GLOD5: variants seen among roughly 807,000 people sequenced by gnomAD.
The protein encoded by GLOD5 is glyoxalase domain containing 5, also known as glyoxalase domain-containing protein 5.
In GLOD5, 7 loss-of-function variants were observed where a neutral mutation model predicts 9.9. That is an observed-to-expected ratio of 0.71 (90% CI 0.40 to 1.33). The LOEUF is 1.33. Among genes scored for constraint, GLOD5 ranks in the 40% most tolerant of loss-of-function variants. GLOD5 has a pLI of 0.01. For synonymous variants in GLOD5, 49 were observed against 47.3 expected, an observed-to-expected ratio of 1.04 and a Z score of -0.14; for missense variants, 146 against 128.4, an observed-to-expected ratio of 1.14 and a Z score of -0.66.
Position 48,765,645 on chromosome X carries a change from A to G in GLOD5, c.64-190A>G, listed in dbSNP as rs781858319. 4 of 527,359 alleles carry G rather than the reference A, an allele frequency of 7.6e-6. No homozygotes were observed. The East Asian group carries it at 1.4e-4, about 19-fold the overall frequency. 43.5% of individuals were successfully genotyped at this position (527,359 alleles called of 1,213,427 possible). On this transcript the variant is annotated intron_variant, in intron 1 of 3. Coordinates refer to ENST00000303227, the MANE Select transcript of GLOD5 (RefSeq NM_001080489.3). ...ACAGTGGAAAGTGGTCATGGTAGAC[A>G]TGTGGGCTCTCATGAATCCACACAT...
chrX:48,764,578 G>A (rs1301334504), intron 1 of GLOD5, among the ~76,000 whole-genome samples: 1 of 96,270 alleles, frequency 1.0e-5, no homozygotes, highest in African/African-American at 3.9e-5. Flanking sequence ...TTTAGATACA[G>A]TCTTGCTCTG....
At chrX:48,771,679 G>T (rs924689562) in intron 3 of GLOD5, among the ~76,000 whole-genome samples, 2 of 111,570 alleles carry the variant, frequency 1.8e-5, no homozygotes, top group Admixed American at 1.9e-4. Context: ...TTATATCTTG[G>T]CATAAAGGAA....
chrX:48,766,118 T>C, intron 2 of GLOD5, 146 bp downstream of exon 2: 1 of 523,372 alleles, frequency 1.9e-6, no homozygotes, highest in Non-Finnish European at 3.2e-6. Context: ...AAACTGAATA[T>C]TTGGACTTCC....
chrX:48,763,216 G>A (rs1489438981), intron 1 of GLOD5, among the ~76,000 whole-genome samples: 2 of 112,172 alleles, frequency 1.8e-5, no homozygotes, highest in Non-Finnish European at 3.8e-5. Context: ...AGAAACTGGT[G>A]AAATAGAAAG....
intron 2 of GLOD5, among the ~76,000 whole-genome samples, chrX:48,766,624 G>A (rs782158876): frequency 1.7e-4 from 19 of 109,933 alleles, no homozygotes; most frequent in Middle Eastern, 4.6e-3. Flanking sequence ...GGTGGTGCAC[G>A]CCTGTAATCC....
chrX:48,773,334 G>C lies in GLOD5; in HGVS notation c.382G>C (p.Gly128Arg), dbSNP rs1443936119. 8.3e-6 allele frequency: 10 copies of C among 1,207,947 alleles called. No individual in the cohort carries two copies. The highest frequency in any genetic ancestry group is 3.5e-5 in the African/African-American group (2 of 56,831). The change falls in exon 4 of 4, where the codon GGG becomes CGG. Residue 128 changes from glycine to arginine, a missense_variant. Physicochemically the swap from Gly to Arg is moderately radical, Grantham distance 125. Transcript: ENST00000303227. Reference protein sequence around the residue: ...LKACDVPIEEGPVPRTGAKGP... With the variant: ...LKACDVPIEERPVPRTGAKGP... Reference sequence around the variant, plus strand: ...GGCTTGTGATGTCCCTATTGAGGAGGGGCCAGTCCCCAGAACAGGGGCAAA... The same window carrying C: ...GGCTTGTGATGTCCCTATTGAGGAGCGGCCAGTCCCCAGAACAGGGGCAAA...
chrX:48,770,477 A>G (rs1180684408), intron 2 of GLOD5, among the ~76,000 whole-genome samples: 3 of 111,157 alleles, frequency 2.7e-5, no homozygotes, highest in Middle Eastern at 4.6e-3. Flanking sequence ...TGAATGAGCA[A>G]TAAGGGCCAG....
intron 2 of GLOD5, among the ~76,000 whole-genome samples, chrX:48,768,513 G>C (rs2062614485): frequency 8.9e-6 from 1 of 111,975 alleles, no homozygotes; most frequent in Non-Finnish European, 1.9e-5. Context: ...GGACACAATG[G>C]AGTGAAATTT....
chrX:48,770,361 C>G lies in GLOD5; in HGVS notation c.202-566C>G, dbSNP rs147656134. 5.7e-3 allele frequency among the ~76,000 whole-genome samples: 644 copies of G among 112,387 alleles called. 3 individuals are homozygous for G. Among genetic ancestry groups the G allele is most frequent in the Admixed American group, 0.011 (117 of 10,545 alleles). On this transcript the variant is annotated intron_variant, in intron 2 of 3. Coordinates refer to ENST00000303227, the MANE Select transcript of GLOD5 (RefSeq NM_001080489.3). Reference sequence around the variant, plus strand: ...TGGAGGCATGTAGGAGAAAACTCAACTAACTGTGGGTTAAACAAGACAAGA... The same window carrying G: ...TGGAGGCATGTAGGAGAAAACTCAAGTAACTGTGGGTTAAACAAGACAAGA...
At chrX:48,762,876 C>T (rs1557016154) in intron 1 of GLOD5, among the ~76,000 whole-genome samples, 1 of 111,974 alleles carries the variant, frequency 8.9e-6, no homozygotes, top group African/African-American at 3.2e-5. Flanking sequence ...GCTACGCTGG[C>T]CTTCCTGTTA....
At position 48,763,770 on chromosome X, in the gene GLOD5, G is replaced by A. The variant is rs183503887; in HGVS notation, c.63+1917G>A. ...TATTTTCAATGGAGCCAAAATGTCG[G>A]TCATTTTCTCTTTCTGCAGTTCCTA... On this transcript the variant is annotated intron_variant, in intron 1 of 3. Coordinates refer to ENST00000303227, the MANE Select transcript of GLOD5 (RefSeq NM_001080489.3). Among the ~76,000 whole-genome samples the A allele has an allele frequency of 3.5e-3, 394 of 112,245 alleles. 1 individual carries two copies. Among genetic ancestry groups the A allele is most frequent in the Non-Finnish European group, 5.4e-3 (285 of 53,203 alleles).
intron 1 of GLOD5, chrX:48,762,235 C>T (rs2062598150): frequency 7.3e-6 from 1 of 137,009 alleles, no homozygotes; most frequent in Non-Finnish European, 1.4e-5. Context: ...CCCTGGCAAC[C>T]TGAAGGGGAC....
intron 1 of GLOD5, chrX:48,762,149 T>C: frequency 4.0e-6 from 1 of 247,741 alleles, no homozygotes; most frequent in Non-Finnish European, 7.3e-6. Flanking sequence ...CCCAAAGCTG[T>C]CATGATTAAG....
At position 48,765,895 on chromosome X, in the gene GLOD5, G is replaced by C. The variant is rs782809626; in HGVS notation, c.124G>C (p.Val42Leu). ...TCTTATCCGTAGACTTGACCACATC[G>C]TGATGACGGTGAAGAGCATCAAAGA... ...PCLIRRLDHI[V>L]MTVKSIKDTT... Residue 42 changes from valine to leucine, a missense_variant, in exon 2 of 4, where the codon GTG becomes CTG. Physicochemically the swap from Val to Leu is conservative, Grantham distance 32. Transcript: ENST00000303227. The C allele has an allele frequency of 8.3e-7, 1 of 1,200,322 alleles. No individual in the cohort carries two copies. The highest frequency in any genetic ancestry group is 2.2e-5 in the Admixed American group (1 of 44,932).
chrX:48,771,568 G>A (rs1217351745), intron 3 of GLOD5, among the ~76,000 whole-genome samples: 2 of 111,230 alleles, frequency 1.8e-5, no homozygotes, highest in African/African-American at 3.3e-5. Flanking sequence ...CGCCCACCTC[G>A]GCCTCCCAAA....
intron 2 of GLOD5, among the ~76,000 whole-genome samples, chrX:48,768,119 C>G (rs932814970): frequency 2.7e-5 from 3 of 111,880 alleles, no homozygotes; most frequent in South Asian, 7.4e-4. Context: ...GCACGTGCCA[C>G]CACACCTGGC....
intron 3 of GLOD5, among the ~76,000 whole-genome samples, chrX:48,772,016 C>A (rs968974500): frequency 5.4e-5 from 6 of 110,997 alleles, no homozygotes; most frequent in Non-Finnish European, 1.1e-4. Context: ...GTGGCAGGAT[C>A]ATTTGGGCCA....
At position 48,769,242 on chromosome X, in the gene GLOD5, G is replaced by T. The variant is rs781890156; in HGVS notation, c.202-1685G>T. Among the ~76,000 whole-genome samples, 17 of 109,377 alleles carry T rather than the reference G, an allele frequency of 1.6e-4. No homozygotes were observed. In the South Asian group the frequency reaches 6.7e-3, roughly 43 times the overall value. 95.0% of individuals were successfully genotyped at this position (109,377 alleles called of 115,157 possible). On this transcript the variant is annotated intron_variant, in intron 2 of 3. Coordinates refer to ENST00000303227, the MANE Select transcript of GLOD5 (RefSeq NM_001080489.3). ...CTTGCAGCCAAGCGTGGTGGCTCAC[G>T]CCTGCAATCCCAACACTTTGAGAGG...
chrX:48,771,182 T>A, intron 3 of GLOD5, 100 bp downstream of exon 3: 1 of 577,513 alleles, frequency 1.7e-6, no homozygotes, highest in Non-Finnish European at 2.6e-6. Context: ...AACCAGATAA[T>A]GTCTGCACAC....
Sources: gnomAD v4.1 joint callset for allele counts (sites outside exome capture counted in the v4.1 genomes callset) on GRCh38, gnomAD v4.1.1 for gene constraint, MANE v1.5 for transcripts, NCBI Gene and HGNC (gene_info 2026-07-23, HGNC 2026-07-21) for gene names.